SHTN1: variants seen among roughly 807,000 people sequenced by gnomAD.
SHTN1 encodes shootin-1.
SHTN1 carries 42 observed loss-of-function variants against 83.1 expected under a neutral mutation model. The observed-to-expected ratio is 0.51, with a 90% CI of 0.39 to 0.65. The LOEUF is 0.65. SHTN1 is among the 30% of genes least tolerant of loss of function. The pLI is 0.00. For synonymous variants in SHTN1, 224 were observed against 247.7 expected (o/e 0.90, Z 0.90); for missense variants, 622 against 737.8 (o/e 0.84, Z 1.82).
At chr10:116,995,692 A>G (rs1851601954) in intron 1 of SHTN1, among the ~76,000 whole-genome samples, 1 of 152,144 alleles carries the variant, frequency 6.6e-6, no homozygotes, top group African/African-American at 2.4e-5. Context: ...TTATATTGCC[A>G]AAGTTTGATG....
upstream of SHTN1, among the ~76,000 whole-genome samples, chr10:117,010,098 T>C (rs1293647918): frequency 6.6e-6 from 1 of 151,480 alleles, no homozygotes; most frequent in African/African-American, 2.4e-5. Context: ...AGAGTGGAGA[T>C]AAAATAAAAG....
intron 9 of SHTN1, among the ~76,000 whole-genome samples, chr10:116,939,225 C>A (rs1321329533): frequency 6.6e-6 from 1 of 152,138 alleles, no homozygotes; most frequent in African/African-American, 2.4e-5. Flanking sequence ...AAGAAACACT[C>A]CTGCAGCTAG....
intron 5 of SHTN1, 66 bp downstream of exon 5, chr10:116,953,976 C>T: frequency 2.3e-6 from 3 of 1,299,710 alleles, no homozygotes; most frequent in Non-Finnish European, 3.2e-6. Context: ...GATGTGCAGT[C>T]AGGGTTCAGA....
At chr10:116,993,231 G>T (rs1175136668) in intron 1 of SHTN1, among the ~76,000 whole-genome samples, 2 of 151,802 alleles carry the variant, frequency 1.3e-5, no homozygotes, top group Non-Finnish European at 2.9e-5. Flanking sequence ...TAGCCAGGAT[G>T]GTCTCGATCT....
chr10:116,890,769 G>C (rs1225889574), intron 16 of SHTN1, among the ~76,000 whole-genome samples: 1 of 152,220 alleles, frequency 6.6e-6, no homozygotes, highest in South Asian at 2.1e-4. Flanking sequence ...CTAGTAAAAG[G>C]AAAGACCTGA....
rs1467376708 is a variant in SHTN1 at position 117,058,612 on chromosome 10, G to A, written c.-188-10102C>T. Reference sequence around the variant, plus strand: ...AAATTGTGCAGCCATTATGAAAAACGATATGGCAGAATTACCATATAATAC... The same window carrying A: ...AAATTGTGCAGCCATTATGAAAAACAATATGGCAGAATTACCATATAATAC... On this transcript the variant is annotated intron_variant, in intron 1 of 17. Coordinates refer to the SHTN1 transcript ENST00000392901. Among the ~76,000 whole-genome samples, 3 of 152,166 alleles carry A rather than the reference G, an allele frequency of 2.0e-5. No individual in the cohort carries two copies. In the East Asian group the frequency reaches 5.8e-4, roughly 29 times the overall value.
chr10:117,006,241 TTTTTTTTTTG>T (rs1171267442), upstream of SHTN1, among the ~76,000 whole-genome samples: 2 of 4,110 alleles, frequency 4.9e-4, no homozygotes, highest in African/African-American at 5.0e-4. Flanking sequence ...TTTTTTTTTG[TTTTTTTTTTG>T]TTTTTTTGTT....
intron 1 of SHTN1, among the ~76,000 whole-genome samples, chr10:117,110,972 A>C (rs1315885084): frequency 6.6e-6 from 1 of 152,110 alleles, no homozygotes; most frequent in Non-Finnish European, 1.5e-5. Context: ...TAAGGCAGGC[A>C]GATCACCTGA....
rs2133287203 is a variant in SHTN1, at chr10:116,881,793, T to G, written c.*4551A>C. The G allele has an allele frequency of 1.4e-6, 1 of 708,406 alleles. No individual in the cohort carries two copies. The highest frequency in any genetic ancestry group is 3.3e-5 in the East Asian group (1 of 30,006). The allele number at this position is 708,406 out of a possible 1,614,324, so 43.9% of individuals were successfully genotyped here. A position where few individuals can be genotyped will look rare whatever the true frequency, so the allele number is the denominator to read the frequency against. On this transcript the variant is annotated 3_prime_UTR_variant, in exon 17 of 17. Transcript: ENST00000355371. ...CTTCACCAACTCTTGTGGTTTTTAT[T>G]CTTCTAATTCCACTGTTTGGTAAAT... is the stretch of plus-strand genomic sequence containing the variant.
chr10:117,027,418 A>G (rs1378587732), intron 2 of SHTN1, among the ~76,000 whole-genome samples: 2 of 152,190 alleles, frequency 1.3e-5, no homozygotes, highest in African/African-American at 4.8e-5. Flanking sequence ...AGCAGATACC[A>G]GCATCATGCT....
In SHTN1 at chr10:116,954,074, C is replaced by T; in HGVS notation, c.404G>A (p.Cys135Tyr). 1 of 1,612,572 alleles carries T rather than the reference C, an allele frequency of 6.2e-7. No individual in the cohort carries two copies. The highest frequency in any genetic ancestry group is 2.2e-5 in the East Asian group (1 of 44,854). The change falls in exon 5 of 17, where the codon TGT becomes TAT. Residue 135 changes from cysteine (C) to tyrosine (Y), a missense_variant. This residue lies in a region of SHTN1 where 383 missense variants were observed against 455.8 expected (regional missense o/e 0.84). Coordinates refer to ENST00000355371, the MANE Select transcript of SHTN1 (RefSeq NM_001127211.3). ...TTDTDGAAETCVSVQCQKQIK... is the reference protein window; with the variant it reads ...TTDTDGAAETYVSVQCQKQIK... ...TTGCTTCTGACACTGTACTGAGACA[C>T]AAGTCTCGGCGGCACCGTCTGTGTC...
At chr10:116,985,159 T>C (rs1851177062) in intron 1 of SHTN1, among the ~76,000 whole-genome samples, 1 of 152,242 alleles carries the variant, frequency 6.6e-6, no homozygotes, top group East Asian at 1.9e-4. Context: ...TTTCCTGTCA[T>C]TCTTCCTACC....
At chr10:116,930,452 T>C (rs1848918533) in intron 9 of SHTN1, among the ~76,000 whole-genome samples, 1 of 152,186 alleles carries the variant, frequency 6.6e-6, no homozygotes. Flanking sequence ...GTGTAATCAA[T>C]GCTTAGCTCC....
chr10:117,120,677 T>C (rs1853909631), intron 1 of SHTN1, among the ~76,000 whole-genome samples: 1 of 152,214 alleles, frequency 6.6e-6, no homozygotes, highest in African/African-American at 2.4e-5. Flanking sequence ...TATGGTTTGG[T>C]AGAAGAAACA....
At chr10:117,100,831 GA>G (rs1853580811) in intron 1 of SHTN1, among the ~76,000 whole-genome samples, 1 of 152,214 alleles carries the variant, frequency 6.6e-6, no homozygotes, top group Non-Finnish European at 1.5e-5. Flanking sequence ...TGAGGAAGCA[GA>G]AATAGTTTAT....
intron 13 of SHTN1, among the ~76,000 whole-genome samples, chr10:116,913,379 A>T (rs1397359640): frequency 6.6e-6 from 1 of 152,004 alleles, no homozygotes; most frequent in Non-Finnish European, 1.5e-5. Context: ...CAGGTCATTC[A>T]GCACTGTATC....
chr10:116,932,058 C>T (rs1294536803), intron 9 of SHTN1, among the ~76,000 whole-genome samples: 1 of 152,166 alleles, frequency 6.6e-6, no homozygotes, highest in Non-Finnish European at 1.5e-5. Flanking sequence ...TCAATACAAA[C>T]CATACTTCAA....
intron 1 of SHTN1, among the ~76,000 whole-genome samples, chr10:117,085,320 A>C (rs1853334582): frequency 6.6e-6 from 1 of 152,194 alleles, no homozygotes. Flanking sequence ...CTGGTCCCAC[A>C]AATTTTGATA....
intron 1 of SHTN1, among the ~76,000 whole-genome samples, chr10:117,106,947 T>C (rs12247570): frequency 6.6e-6 from 1 of 152,274 alleles, no homozygotes; most frequent in Non-Finnish European, 1.5e-5. Flanking sequence ...CAGGATTGTT[T>C]TGAAAAATAG....
Sources: allele counts gnomAD v4.1 joint callset (sites outside exome capture counted in the v4.1 genomes callset), GRCh38; gene constraint gnomAD v4.1.1; regional missense constraint gnomAD v4.1.1; transcripts MANE v1.5; gene names NCBI Gene and HGNC (gene_info 2026-07-23, HGNC 2026-07-21).